Variants in MEG3 observed in about 807,000 individuals in gnomAD.
MEG3 encodes maternally expressed 3, also known as Very putative protein from MEG3 locus.
In MEG3 at chr14:100,845,102, G is replaced by A. The variant is rs1330034152; in HGVS notation, n.3046-356G>A. Among the ~76,000 whole-genome samples the A allele has an allele frequency of 6.6e-6, 1 of 152,152 alleles. No homozygotes were observed. The highest frequency in any genetic ancestry group is 1.5e-5 in the Non-Finnish European group (1 of 68,034). ...TCGCCGACCTGGGCACCTTGCTTCT[G>A]CCAGAGCACAGGTTCATGCCCTGTC... is the stretch of plus-strand genomic sequence containing the variant. On this transcript the variant is annotated intron_variant and non_coding_transcript_variant, in intron 2 of 3. Coordinates refer to the MEG3 transcript ENST00000398461. The surrounding 1 kb of genome is among the most constrained non-coding windows in gnomAD (Gnocchi z 5.2).
At chr14:100,826,216 C>T (rs45546040) in intron 1 of MEG3, 2,226 of 152,238 alleles carry the variant, frequency 0.015, 16 homozygotes, top group Non-Finnish European at 0.021. Flanking sequence ...ATCCCTCACC[C>T]GGTGAGTGGT....
chr14:100,836,486 C>A (rs1027913636), intron 2 of MEG3, among the ~76,000 whole-genome samples: 3 of 152,108 alleles, frequency 2.0e-5, no homozygotes, highest in Non-Finnish European at 4.4e-5. Context: ...CCTTGCTATA[C>A]CCAGCAAGCA....
intron 2 of MEG3, among the ~76,000 whole-genome samples, chr14:100,838,309 C>A (rs1338735551): frequency 6.6e-6 from 1 of 152,176 alleles, no homozygotes; most frequent in Non-Finnish European, 1.5e-5. Context: ...ACCCTCTTTG[C>A]ACTGAGTTGT....
intron 2 of MEG3, among the ~76,000 whole-genome samples, chr14:100,840,992 A>T (rs1357137290): frequency 2.6e-5 from 4 of 152,174 alleles, no homozygotes; most frequent in Non-Finnish European, 5.9e-5. Context: ...AGTTGGCGGT[A>T]GGGGGCTCAG....
intron 1 of MEG3, chr14:100,835,918 C>A: frequency 3.3e-6 from 1 of 301,056 alleles, no homozygotes. Context: ...TCCGCCGTGG[C>A]CCTGAGAGTC....
At position 100,837,502 on chromosome 14, in the gene MEG3, C is replaced by A; in HGVS notation, n.3045+1202C>A. 6.6e-6 allele frequency among the ~76,000 whole-genome samples: 1 copy of A among 152,140 alleles called. No homozygotes were observed. On this transcript the variant is annotated intron_variant and non_coding_transcript_variant, in intron 2 of 3. Transcript: ENST00000398461. This position sits in a 1 kb window ranked among gnomAD's most constrained non-coding sequence, Gnocchi z 5.8. ...ACATTTATGGAGGCTTGAGGGGGCCCTAGCACTGTCCTTGGCCCAGATGCC... is the reference window on the plus strand; with the variant it reads ...ACATTTATGGAGGCTTGAGGGGGCCATAGCACTGTCCTTGGCCCAGATGCC...
chr14:100,838,610 G>A (rs1273831170), intron 2 of MEG3, among the ~76,000 whole-genome samples: 3 of 152,158 alleles, frequency 2.0e-5, no homozygotes, highest in African/African-American at 7.2e-5. Flanking sequence ...AGCCACAGAG[G>A]ACCCTGTCAC....
downstream of MEG3, chr14:100,830,385 C>CACACACACACACATA (rs72228212): frequency 1.8e-4 from 25 of 139,208 alleles, no homozygotes; most frequent in African/African-American, 6.9e-4. Context: ...ACACACACAC[C>CACACACACACACATA]CCCTCGTGTA....
At chr14:100,827,083 T>A (rs1382776844) in intron 1 of MEG3, among the ~76,000 whole-genome samples, 1 of 151,624 alleles carries the variant, frequency 6.6e-6, no homozygotes, top group Non-Finnish European at 1.5e-5. Flanking sequence ...GAGCTGGGGA[T>A]GGGGTGCCGC....
chr14:100,859,751 T>C (rs756475266), exon 1 of MEG3: 1 of 152,226 alleles, frequency 6.6e-6, no homozygotes, highest in Non-Finnish European at 1.5e-5. Context: ...CCAGGTAGGT[T>C]ACTTGAATCA....
intron 2 of MEG3, among the ~76,000 whole-genome samples, chr14:100,843,303 G>A (rs2037813773): frequency 6.6e-6 from 1 of 152,180 alleles, no homozygotes; most frequent in Admixed American, 6.5e-5. Context: ...AAATGGCAGT[G>A]CCTTTGGTCG....
At chr14:100,848,488 T>C (rs2037981051) in intron 3 of MEG3, 1 of 152,132 alleles carries the variant, frequency 6.6e-6, no homozygotes, top group Non-Finnish European at 1.5e-5. Flanking sequence ...CATTGACCGA[T>C]GAGGAGGGCA....
intron 2 of MEG3, among the ~76,000 whole-genome samples, chr14:100,840,549 AGT>A (rs933441313): frequency 5.9e-5 from 9 of 152,036 alleles, no homozygotes; most frequent in African/African-American, 2.2e-4. Context: ...CCTGAAACGG[AGT>A]GTGTGTGTGT....
At chr14:100,848,184 A>G (rs935484698) in intron 3 of MEG3, 1 of 152,214 alleles carries the variant, frequency 6.6e-6, no homozygotes, top group Non-Finnish European at 1.5e-5. Flanking sequence ...TGCAGATTTA[A>G]GACAGAGCCA....
chr14:100,838,433 A>C (rs1416638716), intron 2 of MEG3, among the ~76,000 whole-genome samples: 2 of 152,088 alleles, frequency 1.3e-5, no homozygotes, highest in African/African-American at 4.8e-5. Flanking sequence ...AGAAGTTGAA[A>C]CGTGACTTAC....
chr14:100,838,971 C>T (rs1463370372), intron 2 of MEG3, among the ~76,000 whole-genome samples: 1 of 152,168 alleles, frequency 6.6e-6, no homozygotes, highest in Non-Finnish European at 1.5e-5. Context: ...TACATTTCTC[C>T]AAATAATGTC....
At chr14:100,850,030 C>T (rs1249778267) in intron 3 of MEG3, 1 of 152,142 alleles carries the variant, frequency 6.6e-6, no homozygotes, top group Non-Finnish European at 1.5e-5. Context: ...AGAATAAATA[C>T]TTAAACGTGA....
chr14:100,834,652 G>C (rs1450137265), exon 1 of MEG3: 2 of 455,566 alleles, frequency 4.4e-6, no homozygotes, highest in South Asian at 1.6e-5. Flanking sequence ...GGCCATCCCG[G>C]GGTGCCCTTG....
Position 100,837,670 on chromosome 14 carries a change from C to T in MEG3, n.3045+1370C>T, listed in dbSNP as rs1274009795. Among the ~76,000 whole-genome samples, 1 of 152,180 alleles carries T rather than the reference C, an allele frequency of 6.6e-6. No homozygotes were observed. Among genetic ancestry groups the T allele is most frequent in the East Asian group, 1.9e-4 (1 of 5,146 alleles). On this transcript the variant is annotated intron_variant and non_coding_transcript_variant, in intron 2 of 3. Coordinates refer to the MEG3 transcript ENST00000398461. The surrounding 1 kb of genome is among the most constrained non-coding windows in gnomAD (Gnocchi z 5.8). ...GTGCAGGCCTCCGCCCTCCGCCACC[C>T]CCCACCCCCGGAGTGTCTCTGGTTT...
Sources: gnomAD v4.1 joint callset for allele counts (sites outside exome capture counted in the v4.1 genomes callset) on GRCh38, gnomAD v4.1.1 for gene constraint, Gnocchi (gnomAD v3.1) non-coding constraint, MANE v1.5 for transcripts, NCBI Gene and HGNC (gene_info 2026-07-23, HGNC 2026-07-21) for gene names.